The following KATNAL1 variants were observed in gnomAD, a reference collection of about 807,000 sequenced individuals.
KATNAL1 encodes katanin catalytic subunit A1 like 1.
A neutral mutation model predicts 55.2 loss-of-function variants in KATNAL1; 32 were observed. The ratio of observed to expected loss-of-function variants is 0.58; its 90% CI spans 0.44 to 0.78. The LOEUF is 0.78. Among genes scored for constraint, KATNAL1 ranks in the 30% least tolerant of loss-of-function variants. KATNAL1 has a pLI of 0.00. For synonymous variants in KATNAL1, 193 were observed against 193.6 expected (o/e 1.00, Z 0.02); for missense variants, 466 against 600.9 (o/e 0.78, Z 2.35).
chr13:30,241,656 C>A (rs796422694), intron 4 of KATNAL1, among the ~76,000 whole-genome samples: 12 of 152,228 alleles, frequency 7.9e-5, no homozygotes, highest in African/African-American at 2.9e-4. Flanking sequence ...CAAGTGCCTC[C>A]CCAGAGCTTT....
chr13:30,213,491 T>C (rs1179638822), intron 9 of KATNAL1, among the ~76,000 whole-genome samples: 1 of 152,080 alleles, frequency 6.6e-6, no homozygotes, highest in African/African-American at 2.4e-5. Context: ...TTTAGACCAA[T>C]ATCCTTGATG....
chr13:30,220,903 C>A (rs147957842), intron 9 of KATNAL1, among the ~76,000 whole-genome samples: 1 of 148,038 alleles, frequency 6.8e-6, no homozygotes, highest in East Asian at 1.9e-4. Flanking sequence ...TTTCTCATAT[C>A]GGTCAGGCTG....
rs901173669 is a variant in KATNAL1, at chr13:30,207,049, TAA to T, written c.*1489_*1490del. On this transcript the variant is annotated 3_prime_UTR_variant, in exon 11 of 11. Coordinates refer to ENST00000380615, the MANE Select transcript of KATNAL1 (RefSeq NM_032116.5). ...GGAAAAATAATCAAATCTCTTTTTTTAAAAAAAACCTTCTTAGTATCTTGGTT... is the reference window on the plus strand; with the variant it reads ...GGAAAAATAATCAAATCTCTTTTTTTAAAAAACCTTCTTAGTATCTTGGTT... The T allele has an allele frequency of 6.6e-6, 1 of 151,896 alleles. No individual in the cohort carries two copies. The highest frequency in any genetic ancestry group is 1.5e-5 in the Non-Finnish European group (1 of 67,972). The allele number at this position is 151,896 out of a possible 1,614,324, so 9.4% of individuals were successfully genotyped here.
At chr13:30,223,525 A>C (rs566158829) in intron 9 of KATNAL1, among the ~76,000 whole-genome samples, 1 of 152,034 alleles carries the variant, frequency 6.6e-6, no homozygotes, top group African/African-American at 2.4e-5. Context: ...AAGCAGATAT[A>C]GCACAACAAC....
intron 1 of KATNAL1, chr13:30,306,842 C>T (rs1406203205): frequency 3.9e-5 from 6 of 152,320 alleles, no homozygotes; most frequent in Non-Finnish European, 8.8e-5. Flanking sequence ...GGCGGCTGCT[C>T]ATCCCTGAGA....
rs112902595 is a variant in KATNAL1 at position 30,270,927 on chromosome 13, TAA to T, written c.323+9134_323+9135del. 1.9e-3 allele frequency among the ~76,000 whole-genome samples: 252 copies of T among 133,010 alleles called. 1 individual carries two copies. Among genetic ancestry groups the T allele is most frequent in the African/African-American group, 6.2e-3 (229 of 36,646 alleles). 87.3% of individuals were successfully genotyped at this position (133,010 alleles called of 152,430 possible). A position where few individuals can be genotyped will look rare whatever the true frequency, so the allele number is the denominator to read the frequency against. ...GATCAATAAACAAAAAATAATAAAA[TAA>T]AAAAAAAAAAAGAAAAATAAAGCTG... On this transcript the variant is annotated intron_variant, in intron 3 of 10. Coordinates refer to ENST00000380615, the MANE Select transcript of KATNAL1 (RefSeq NM_032116.5).
chr13:30,268,377 AAT>A (rs1353633751), intron 3 of KATNAL1, among the ~76,000 whole-genome samples: 4 of 152,262 alleles, frequency 2.6e-5, no homozygotes, highest in African/African-American at 9.6e-5. Context: ...CTACAAAATA[AAT>A]ATGTTTAATA....
chr13:30,258,430 CTCTTT>C (rs1405997117), intron 3 of KATNAL1, among the ~76,000 whole-genome samples: 7 of 152,032 alleles, frequency 4.6e-5, no homozygotes, highest in Non-Finnish European at 1.0e-4. Context: ...GTGTGATTTG[CTCTTT>C]TCTTTATTTT....
intron 3 of KATNAL1, among the ~76,000 whole-genome samples, chr13:30,271,549 CA>C (rs1880359731): frequency 6.6e-6 from 1 of 152,038 alleles, no homozygotes; most frequent in African/African-American, 2.4e-5. Flanking sequence ...CACTTTTTAA[CA>C]ACCAGATCTC....
At chr13:30,276,833 A>G (rs1004056811) in intron 3 of KATNAL1, among the ~76,000 whole-genome samples, 1 of 152,184 alleles carries the variant, frequency 6.6e-6, no homozygotes, top group African/African-American at 2.4e-5. Flanking sequence ...CTTGGGTTCA[A>G]ATCCTGGCTC....
intron 6 of KATNAL1, among the ~76,000 whole-genome samples, chr13:30,239,729 A>G (rs2137420801): frequency 7.5e-6 from 1 of 133,880 alleles, no homozygotes; most frequent in Admixed American, 8.7e-5. Flanking sequence ...CTCTGTTGCC[A>G]GGCTGGAGTG....
chr13:30,284,870 T>A (rs112547262), intron 1 of KATNAL1, among the ~76,000 whole-genome samples: 3,055 of 152,290 alleles, frequency 0.02, 101 homozygotes, highest in African/African-American at 0.069. Context: ...GCAAAGATAC[T>A]TTCCTCCCAA....
intron 3 of KATNAL1, among the ~76,000 whole-genome samples, chr13:30,278,212 CT>C (rs935433888): frequency 6.7e-6 from 1 of 149,396 alleles, no homozygotes; most frequent in South Asian, 2.1e-4. Flanking sequence ...GAATGAAAAT[CT>C]TTTTTTTTCC....
rs11348486 is a variant in KATNAL1 at position 30,255,620 on chromosome 13, CAAAAAA to C, written c.324-11_324-6del. ...CGCCTGATCTGAGGTGGAGCTCTGA[CAAAAAA>C]AAAAAAAAAAAAATTAAAATTAAAA... On this transcript the variant is annotated splice_polypyrimidine_tract_variant and splice_region_variant and intron_variant, in intron 3 of 10. Coordinates refer to ENST00000380615, the MANE Select transcript of KATNAL1 (RefSeq NM_032116.5). The C allele has an allele frequency of 7.8e-5, 84 of 1,083,130 alleles. No homozygotes were observed. Among genetic ancestry groups the C allele is most frequent in the Middle Eastern group, 3.4e-4 (1 of 2,908 alleles). The allele number at this position is 1,083,130 out of a possible 1,614,324, so 67.1% of individuals were successfully genotyped here.
Position 30,307,436 on chromosome 13 carries a change from T to C in KATNAL1, c.-120A>G, listed in dbSNP as rs6490453. The C allele has an allele frequency of 0.38, 57,619 of 152,866 alleles. 11,537 individuals are homozygous for C. The highest frequency in any genetic ancestry group is 0.47 in the Middle Eastern group (140 of 298). The allele number at this position is 152,866 out of a possible 1,614,324, so 9.5% of individuals were successfully genotyped here. On this transcript the variant is annotated 5_prime_UTR_variant, in exon 1 of 11. Coordinates refer to ENST00000380615, the MANE Select transcript of KATNAL1 (RefSeq NM_032116.5). The stretch of plus-strand genomic sequence containing the variant: ...CCGCCGAGTCCGTTAGCTCGCGACG[T>C]GCGTGAAAAGGCGGCGGCGGCGTAG...
rs114070116 is a variant in KATNAL1 at position 30,223,961 on chromosome 13, A to T, written c.1147+3451T>A. On this transcript the variant is annotated intron_variant, in intron 9 of 10. Coordinates refer to ENST00000380615, the MANE Select transcript of KATNAL1 (RefSeq NM_032116.5). ...ACCAAGACAGACTATATGCTGAATC[A>T]CAAATCTCAAGAAGTTCAAAAATTG... Among the ~76,000 whole-genome samples, 426 of 152,328 alleles carry T rather than the reference A, an allele frequency of 2.8e-3. 4 individuals carry two copies. Among genetic ancestry groups the T allele is most frequent in the African/African-American group, 9.7e-3 (404 of 41,574 alleles).
intron 4 of KATNAL1, among the ~76,000 whole-genome samples, chr13:30,253,145 G>T (rs763167847): frequency 6.6e-6 from 1 of 152,168 alleles, no homozygotes; most frequent in African/African-American, 2.4e-5. Flanking sequence ...TGAGTTTCAG[G>T]AACTTCAGTA....
rs913365778 is a variant in KATNAL1, at chr13:30,207,051, A to G, written c.*1489T>C. The G allele has an allele frequency of 1.4e-4, 21 of 152,120 alleles. No individual in the cohort carries two copies. Among genetic ancestry groups the G allele is most frequent in the Non-Finnish European group, 2.8e-4 (19 of 68,014 alleles). The allele number at this position is 152,120 out of a possible 1,614,324, so 9.4% of individuals were successfully genotyped here. A position where few individuals can be genotyped will look rare whatever the true frequency, so the allele number is the denominator to read the frequency against. ...AAAAATAATCAAATCTCTTTTTTTAAAAAAAACCTTCTTAGTATCTTGGTT... is the reference window on the plus strand; with the variant it reads ...AAAAATAATCAAATCTCTTTTTTTAGAAAAAACCTTCTTAGTATCTTGGTT... On this transcript the variant is annotated 3_prime_UTR_variant, in exon 11 of 11. Transcript: ENST00000380615.
intron 9 of KATNAL1, among the ~76,000 whole-genome samples, chr13:30,225,437 A>G (rs1396832672): frequency 6.6e-6 from 1 of 152,218 alleles, no homozygotes; most frequent in African/African-American, 2.4e-5. Flanking sequence ...AAGTTACCAA[A>G]GCTTGCTCAA....
Sources: gnomAD v4.1 joint callset for allele counts (sites outside exome capture counted in the v4.1 genomes callset) on GRCh38, gnomAD v4.1.1 for gene constraint, MANE v1.5 for transcripts, NCBI Gene and HGNC (gene_info 2026-07-23, HGNC 2026-07-21) for gene names.